APP: variants seen among roughly 807,000 people sequenced by gnomAD.
The protein encoded by APP is amyloid beta precursor protein.
In APP, 31 loss-of-function variants were observed where a neutral mutation model predicts 101.4. The observed-to-expected ratio is 0.31, with a 90% CI of 0.23 to 0.41. The LOEUF is 0.41. APP is among the 10% of genes least tolerant of loss of function. APP has a pLI of 1.00. For missense variants in APP, 839 were observed against 1,003.7 expected, an observed-to-expected ratio of 0.84 and a Z score of 2.22; for synonymous variants, 366 against 364.4, an observed-to-expected ratio of 1.00 and a Z score of -0.05.
chr21:26,014,167 T>C (rs1256099309), intron 6 of APP, among the ~76,000 whole-genome samples: 1 of 152,246 alleles, frequency 6.6e-6, no homozygotes, highest in Non-Finnish European at 1.5e-5. Context: ...AGCATGCTAC[T>C]ACTGAGGCCT....
At chr21:26,064,468 T>G (rs113515685) in intron 3 of APP, among the ~76,000 whole-genome samples, 7 of 152,176 alleles carry the variant, frequency 4.6e-5, no homozygotes, top group African/African-American at 1.7e-4. Flanking sequence ...TAATAAGGTG[T>G]CATGCCAAAC....
At chr21:26,108,526 A>T (rs2062235824) in intron 2 of APP, among the ~76,000 whole-genome samples, 1 of 152,204 alleles carries the variant, frequency 6.6e-6, no homozygotes, top group Non-Finnish European at 1.5e-5. Flanking sequence ...ATGGTAGGGG[A>T]CATAGTGATA....
At chr21:26,151,483 CTTTT>C (rs916706901) in intron 1 of APP, among the ~76,000 whole-genome samples, 1 of 148,728 alleles carries the variant, frequency 6.7e-6, no homozygotes, top group Non-Finnish European at 1.5e-5. Flanking sequence ...CGTTCATTAC[CTTTT>C]TTTTTTATGT....
chr21:26,004,524 C>A (rs1012428883), intron 6 of APP, among the ~76,000 whole-genome samples: 1 of 152,076 alleles, frequency 6.6e-6, no homozygotes, highest in South Asian at 2.1e-4. Context: ...GATCTCCTGA[C>A]CTCATGATCC....
chr21:25,943,441 G>A (rs1432892461), intron 13 of APP, among the ~76,000 whole-genome samples: 43 of 104,688 alleles, frequency 4.1e-4, no homozygotes, highest in African/African-American at 1.5e-3. Flanking sequence ...CGTGAGCACC[G>A]CACCCAGCTT....
At chr21:25,954,493 A>T in intron 13 of APP, 97 bp downstream of exon 13, 1 of 1,088,604 alleles carries the variant, frequency 9.2e-7, no homozygotes, top group Non-Finnish European at 1.4e-6. Context: ...CTGTTCTATT[A>T]ACTTCCATAT....
At chr21:26,121,303 G>T (rs2146238309) in intron 1 of APP, among the ~76,000 whole-genome samples, 1 of 152,186 alleles carries the variant, frequency 6.6e-6, no homozygotes, top group South Asian at 2.1e-4. Context: ...TATATTCCTG[G>T]GGGTCACTCC....
chr21:25,981,093 G>A (rs890277856), intron 9 of APP, among the ~76,000 whole-genome samples: 10 of 152,158 alleles, frequency 6.6e-5, no homozygotes, highest in African/African-American at 2.2e-4. Context: ...TGGGAGTAAG[G>A]AGCTTTTGAT....
chr21:26,059,890 CAAAAAAAAAAAAAAAAAAAA>C (rs57594630), intron 3 of APP, among the ~76,000 whole-genome samples: 113 of 70,678 alleles, frequency 1.6e-3, no homozygotes, highest in African/African-American at 5.9e-3. Flanking sequence ...GACTCCGTCT[CAAAAAAAAAAAAAAAAAAAA>C]AAAAAAAAAA....
At chr21:26,168,961 G>A (rs1466150245) in intron 1 of APP, among the ~76,000 whole-genome samples, 1 of 152,174 alleles carries the variant, frequency 6.6e-6, no homozygotes, top group East Asian at 1.9e-4. Flanking sequence ...ACATCTGCCC[G>A]GAAATTGCTT....
chr21:26,103,378 G>A (rs971180753), intron 2 of APP, among the ~76,000 whole-genome samples: 3 of 152,104 alleles, frequency 2.0e-5, no homozygotes, highest in Non-Finnish European at 4.4e-5. Flanking sequence ...GGAGGCCGAG[G>A]CAGGTAAATC....
intron 2 of APP, among the ~76,000 whole-genome samples, chr21:26,101,095 CTTTTTTTTTTTTT>C (rs35407047): frequency 5.0e-5 from 4 of 79,320 alleles, no homozygotes; most frequent in South Asian, 6.3e-4. Flanking sequence ...TTTTTTTTTC[CTTTTTTTTTTTTT>C]TTTTTTTTTT....
intron 1 of APP, among the ~76,000 whole-genome samples, chr21:26,167,814 C>A (rs910511862): frequency 6.6e-6 from 1 of 152,150 alleles, no homozygotes; most frequent in African/African-American, 2.4e-5. Context: ...TTGCAAATGT[C>A]GTTCAGGAGC....
At chr21:26,110,843 T>C (rs1256811330) in intron 2 of APP, among the ~76,000 whole-genome samples, 2 of 151,754 alleles carry the variant, frequency 1.3e-5, no homozygotes, top group Non-Finnish European at 1.5e-5. Flanking sequence ...TTATAATGAG[T>C]GTCGAGAATT....
At chr21:25,978,988 A>C (rs1333433231) in intron 9 of APP, among the ~76,000 whole-genome samples, 1 of 152,192 alleles carries the variant, frequency 6.6e-6, no homozygotes, top group Non-Finnish European at 1.5e-5. Context: ...GAGTTGGGTC[A>C]GCTTTCAATT....
intron 8 of APP, among the ~76,000 whole-genome samples, chr21:25,984,601 C>T (rs1186851389): frequency 1.3e-5 from 2 of 152,112 alleles, no homozygotes; most frequent in Admixed American, 6.5e-5. Flanking sequence ...CTAAATACCA[C>T]GTTCTTACTG....
intron 11 of APP, 37 bp downstream of exon 11, chr21:25,975,033 T>C: frequency 1.2e-6 from 2 of 1,613,422 alleles, no homozygotes; most frequent in Non-Finnish European, 1.7e-6. Context: ...GTCTGTGCTG[T>C]GACCTGAAGT....
chr21:26,013,975 G>A (rs1209447860), intron 6 of APP, among the ~76,000 whole-genome samples: 2 of 152,174 alleles, frequency 1.3e-5, no homozygotes, highest in East Asian at 1.9e-4. Flanking sequence ...TATGGTCAGT[G>A]CTGACACTAG....
intron 17 of APP, among the ~76,000 whole-genome samples, chr21:25,887,854 T>C (rs1157633256): frequency 6.6e-6 from 1 of 152,228 alleles, no homozygotes; most frequent in Admixed American, 6.5e-5. Flanking sequence ...TACTTTATGA[T>C]GTTTGCACAG....
Sources: gnomAD v4.1 joint callset for allele counts (sites outside exome capture counted in the v4.1 genomes callset) on GRCh38, gnomAD v4.1.1 for gene constraint, MANE v1.5 for transcripts, NCBI Gene and HGNC (gene_info 2026-07-23, HGNC 2026-07-21) for gene names.